BAP1: variants seen among roughly 807,000 people sequenced by gnomAD.
BAP1 encodes ubiquitin carboxyl-terminal hydrolase BAP1.
Under a neutral mutation model 77.2 loss-of-function variants are expected in BAP1, and 16 were observed. The observed-to-expected ratio is 0.21, with a 90% CI of 0.14 to 0.31. The LOEUF (loss-of-function observed/expected upper bound fraction) is 0.31. Ranked by LOEUF, BAP1 falls within the 10% of genes least tolerant of loss-of-function variation. BAP1 has a pLI of 1.00. For missense variants in BAP1, 699 were observed against 967.3 expected (o/e 0.72, Z 3.68); for synonymous variants, 362 against 385.2 (o/e 0.94, Z 0.71).
At position 52,407,866 on chromosome 3, in the gene BAP1, G is replaced by A. The variant is rs1019805781; in HGVS notation, c.375+92C>T. On this transcript the variant is annotated intron_variant, in intron 5 of 16. Coordinates refer to ENST00000460680, the MANE Select transcript of BAP1 (RefSeq NM_004656.4). Reference sequence around the variant, plus strand: ...CATTTGAAAAAGAAACAGCCTAATAGTACCCAATATCATGTGGTAGCATTC... The same window carrying A: ...CATTTGAAAAAGAAACAGCCTAATAATACCCAATATCATGTGGTAGCATTC... 5 of 1,556,244 alleles carry A rather than the reference G, an allele frequency of 3.2e-6. No homozygotes were observed. In the African/African-American group the frequency reaches 4.1e-5, roughly 13 times the overall value.
rs201809705 is a variant in BAP1, at chr3:52,405,784, G to T, written c.912C>A (p.Ala304=). The part of the protein sequence containing the change: ...LVLEANRAPA[A]SEGNHTDGAE... ...CAGTACCTGTGTGGTTGCCCTCAGA[G>T]GCTGCAGGGGCCCTGTTTGCTTCCA... The change falls in exon 10 of 17, where the codon GCC becomes GCA. Residue 304 remains alanine (A), a synonymous_variant. Transcript: ENST00000460680. 348 of 1,613,474 alleles carry T rather than the reference G, an allele frequency of 2.2e-4. 1 individual carries two copies. The East Asian group carries it at 7.5e-3, about 35-fold the overall frequency.
chr3:52,404,569 C>T lies in BAP1; in HGVS notation c.1134G>A (p.Ala378=), dbSNP rs371493799. 84 of 1,613,620 alleles carry T rather than the reference C, an allele frequency of 5.2e-5. No individual in the cohort carries two copies. The highest frequency in any genetic ancestry group is 2.0e-4 in the South Asian group (18 of 90,994). The change falls in exon 12 of 17, where the codon GCG becomes GCA. Residue 378 remains alanine, a synonymous_variant. Coordinates refer to ENST00000460680, the MANE Select transcript of BAP1 (RefSeq NM_004656.4). ...GAACTCGGCTGCGGCCCACACCTGC[C>T]GCCAGGTCTTCTTCCTCCTGGGACA... ...KSPMQEEEDL[A]AGVGRSRVPV...
Position 52,402,094 on chromosome 3 carries a change from C to A in BAP1, c.*194G>T. 5 of 971,022 alleles carry A rather than the reference C, an allele frequency of 5.1e-6. No homozygotes were observed. The highest frequency in any genetic ancestry group is 7.5e-6 in the Non-Finnish European group (5 of 664,242). The allele number at this position is 971,022 out of a possible 1,614,324, so 60.2% of individuals were successfully genotyped here. A position where few individuals can be genotyped will look rare whatever the true frequency, so the allele number is the denominator to read the frequency against. On this transcript the variant is annotated 3_prime_UTR_variant, in exon 17 of 17. Coordinates refer to ENST00000460680, the MANE Select transcript of BAP1 (RefSeq NM_004656.4). This position sits in a 1 kb window ranked among gnomAD's most constrained non-coding sequence, Gnocchi z 5.3. ...AACTCCAGATGCTGCCTCCTGAGCA[C>A]TATGGGGCTGATCTGCCGTGTCAGG...
At position 52,404,966 on chromosome 3, in the gene BAP1, G is replaced by A. The variant is rs932925221; in HGVS notation, c.1116+144C>T. The A allele has an allele frequency of 4.6e-6, 5 of 1,096,706 alleles. No individual in the cohort carries two copies. The Admixed American group carries it at 7.2e-5, about 16-fold the overall frequency. The allele number at this position is 1,096,706 out of a possible 1,614,324, so 67.9% of individuals were successfully genotyped here. ...TGTTGTGGGGGCCTTTTCATATCAGGCAGAGGAACCTAGCAACCCAGGCCC... is the reference window on the plus strand; with the variant it reads ...TGTTGTGGGGGCCTTTTCATATCAGACAGAGGAACCTAGCAACCCAGGCCC... On this transcript the variant is annotated intron_variant, in intron 11 of 16. Transcript: ENST00000460680.
Position 52,402,900 on chromosome 3 carries a change from T to G in BAP1, c.1891-29A>C, listed in dbSNP as rs772485431. 2.0e-5 allele frequency: 33 copies of G among 1,613,726 alleles called. No homozygotes were observed. Among genetic ancestry groups the G allele is most frequent in the Non-Finnish European group, 2.8e-5 (33 of 1,180,022 alleles). On this transcript the variant is annotated intron_variant, in intron 14 of 16. Coordinates refer to ENST00000460680, the MANE Select transcript of BAP1 (RefSeq NM_004656.4). This position sits in a 1 kb window ranked among gnomAD's most constrained non-coding sequence, Gnocchi z 5.3. The stretch of plus-strand genomic sequence containing the variant: ...CCAAAACCCAGCATTGCACCTCTGA[T>G]CGGGGCGGGCCAGCAACAAAGCCCC...
chr3:52,407,364 C>G (rs776670315), intron 6 of BAP1, 35 bp downstream of exon 6: 12 of 1,614,190 alleles, frequency 7.4e-6, no homozygotes, highest in Non-Finnish European at 1.0e-5. Context: ...TCCCCCTACT[C>G]CCACCCCACA....
intron 11 of BAP1, 74 bp downstream of exon 11, chr3:52,405,036 A>G (rs1171839949): frequency 1.6e-5 from 26 of 1,590,986 alleles, no homozygotes. Flanking sequence ...CCAAGGAACC[A>G]CATGGGAAAA....
At position 52,402,369 on chromosome 3, in the gene BAP1, C is replaced by A; in HGVS notation, c.2109G>T (p.Gly703=). 1 of 1,576,878 alleles carries A rather than the reference C, an allele frequency of 6.3e-7. No individual in the cohort carries two copies. The highest frequency in any genetic ancestry group is 1.2e-5 in the South Asian group (1 of 86,686). The change falls in exon 17 of 17, where the codon GGG becomes GGT. Residue 703 remains glycine (G), a synonymous_variant. Coordinates refer to ENST00000460680, the MANE Select transcript of BAP1 (RefSeq NM_004656.4). The surrounding 1 kb of genome is among the most constrained non-coding windows in gnomAD (Gnocchi z 5.3). The stretch of plus-strand genomic sequence containing the variant: ...GCTTGTGGAGCCGGCCGATGCTGAC[C>A]CCTTGGCGCCGCCGCACGGAGATGT... ...EQNISVRRRQ[G]VSIGRLHKQR... is the part of the protein sequence containing the mutation.
At position 52,406,220 on chromosome 3, in the gene BAP1, G is replaced by A. The variant is rs2153227401; in HGVS notation, c.783+33C>T. ...GGAGGAGGAATGCAGGGAGGGTTGGGCTGGGCAGAGGCCAGGAAGAAAGGG... is the reference window on the plus strand; with the variant it reads ...GGAGGAGGAATGCAGGGAGGGTTGGACTGGGCAGAGGCCAGGAAGAAAGGG... On this transcript the variant is annotated intron_variant, in intron 9 of 16. Coordinates refer to ENST00000460680, the MANE Select transcript of BAP1 (RefSeq NM_004656.4). This position sits in a 1 kb window ranked among gnomAD's most constrained non-coding sequence, Gnocchi z 4.6. 6.2e-7 allele frequency: 1 copy of A among 1,613,796 alleles called. No individual in the cohort carries two copies. Among genetic ancestry groups the A allele is most frequent in the Non-Finnish European group, 8.5e-7 (1 of 1,179,954 alleles).
At chr3:52,409,111 T>C (rs538594695) in intron 3 of BAP1, among the ~76,000 whole-genome samples, 1 of 152,348 alleles carries the variant, frequency 6.6e-6, no homozygotes, top group East Asian at 1.9e-4. Flanking sequence ...TACACATCTA[T>C]TCTGCAGGAC....
chr3:52,405,492 G>GAGA, intron 10 of BAP1, 198 bp from the exon 11 acceptor site: 2 of 79,626 alleles, frequency 2.5e-5, no homozygotes. Flanking sequence ...GAAGCAGGAA[G>GAGA]AAAAAAAAAA....
In BAP1 at chr3:52,403,114, G is replaced by A. The variant is rs371236827; in HGVS notation, c.1890+24C>T. On this transcript the variant is annotated intron_variant, in intron 14 of 16. Transcript: ENST00000460680. The surrounding 1 kb of genome is among the most constrained non-coding windows in gnomAD (Gnocchi z 4.0). Reference sequence around the variant, plus strand: ...GCCTTACCCTCTGCCAGGATTAAAGGAGAAAACCACAACGGAGGCTCACCT... The same window carrying A: ...GCCTTACCCTCTGCCAGGATTAAAGAAGAAAACCACAACGGAGGCTCACCT... 2 of 1,610,928 alleles carry A rather than the reference G, an allele frequency of 1.2e-6. No individual in the cohort carries two copies. Among genetic ancestry groups the A allele is most frequent in the Non-Finnish European group, 1.7e-6 (2 of 1,179,952 alleles).
rs2153228103 is a variant in BAP1, at chr3:52,408,005, G to C, written c.328C>G (p.Pro110Ala). ...AAGTCCTTCATGCGACTCAGGGTGG[G>C]TCCCAGGTCCACGCTGCTGCAGTTC... ...LLNCSSVDLG[P>A]TLSRMKDFTK... Residue 110 changes from proline to alanine, a missense_variant, in exon 5 of 17, where the codon CCC becomes GCC. By Grantham distance (27) the Pro-to-Ala change is conservative. This residue lies in a region of BAP1 where 160 missense variants were observed against 322.8 expected (regional missense o/e 0.50). Transcript: ENST00000460680. The C allele has an allele frequency of 6.2e-7, 1 of 1,613,910 alleles. No individual in the cohort carries two copies. The highest frequency in any genetic ancestry group is 8.5e-7 in the Non-Finnish European group (1 of 1,179,992).
chr3:52,403,391 G>A lies in BAP1; in HGVS notation c.1729+25C>T, dbSNP rs1414597306. On this transcript the variant is annotated intron_variant, in intron 13 of 16. Coordinates refer to ENST00000460680, the MANE Select transcript of BAP1 (RefSeq NM_004656.4). The surrounding 1 kb of genome is among the most constrained non-coding windows in gnomAD (Gnocchi z 4.0). ...TCCTCCCTCCTGGGTGCACCAAGTG[G>A]CCAGTGAGCCAGTCCAAGGCCCACC... 1.2e-6 allele frequency: 2 copies of A among 1,612,582 alleles called. No homozygotes were observed. Among genetic ancestry groups the A allele is most frequent in the Non-Finnish European group, 1.7e-6 (2 of 1,179,458 alleles).
At chr3:52,408,841 A>T (rs528571768) in intron 3 of BAP1, among the ~76,000 whole-genome samples, 5 of 152,352 alleles carry the variant, frequency 3.3e-5, no homozygotes. Flanking sequence ...ATGCTCCAGG[A>T]GTCCACCCAG....
chr3:52,403,365 C>G lies in BAP1; in HGVS notation c.1729+51G>C. ...ACTTTGTGGTCACTTGGCCACTTCC[C>G]TCCTCCCTCCTGGGTGCACCAAGTG... On this transcript the variant is annotated intron_variant, in intron 13 of 16. Transcript: ENST00000460680. The surrounding 1 kb of genome is among the most constrained non-coding windows in gnomAD (Gnocchi z 4.0). 1 of 1,612,018 alleles carries G rather than the reference C, an allele frequency of 6.2e-7. No individual in the cohort carries two copies. The highest frequency in any genetic ancestry group is 8.5e-7 in the Non-Finnish European group (1 of 1,179,284).
rs756779992 is a variant in BAP1 at position 52,405,192 on chromosome 3, C to G, written c.1034G>C (p.Gly345Ala). The change falls in exon 11 of 17, where the codon GGG becomes GCG. Residue 345 changes from glycine to alanine, a missense_variant. Physicochemically the swap from Gly to Ala is moderately conservative, Grantham distance 60 (BLOSUM62 0). Around this residue, in one of 3 missense-constraint regions of BAP1, gnomAD observed 475 missense variants for 532.4 expected, o/e 0.89. Transcript: ENST00000460680. ...VVKPPGSSLN[G>A]VHPNPTPIVQ... ...AATGGGAGTGGGGTTGGGGTGAACC[C>G]CATTGAGGCTGCTGCCTGGAGGCTT... is the stretch of plus-strand genomic sequence containing the variant. The G allele has an allele frequency of 6.2e-7, 1 of 1,614,076 alleles. No homozygotes were observed. The highest frequency in any genetic ancestry group is 8.5e-7 in the Non-Finnish European group (1 of 1,180,034).
chr3:52,402,842 C>A lies in BAP1; in HGVS notation c.1920G>T (p.Glu640Asp). The A allele has an allele frequency of 6.2e-7, 1 of 1,614,242 alleles. No individual in the cohort carries two copies. Among genetic ancestry groups the A allele is most frequent in the Non-Finnish European group, 8.5e-7 (1 of 1,180,046 alleles). Residue 640 changes from glutamate to aspartate, a missense_variant, in exon 15 of 17, where the codon GAG (glutamate) becomes GAT (aspartate). This residue lies in a region of BAP1 where 475 missense variants were observed against 532.4 expected (regional missense o/e 0.89). Transcript: ENST00000460680. This position sits in a 1 kb window ranked among gnomAD's most constrained non-coding sequence, Gnocchi z 5.3. ...ACGCCTCATAGTTTGCAATCTCAGC[C>A]TCCACACACTTCAGCAGTGCCAGCA... is the stretch of plus-strand genomic sequence containing the variant. ...KELLALLKCV[E>D]AEIANYEACL...
chr3:52,406,658 A>C lies in BAP1; in HGVS notation c.659+171T>G. The C allele has an allele frequency of 1.1e-6, 1 of 922,160 alleles. No individual in the cohort carries two copies. Among genetic ancestry groups the C allele is most frequent in the Non-Finnish European group, 1.7e-6 (1 of 603,036 alleles). The allele number at this position is 922,160 out of a possible 1,614,324, so 57.1% of individuals were successfully genotyped here. ...CCCAGCCCACCCAGGAGCAGGCCAC[A>C]GGCAGCCCAGGCAGGAAATAAGACA... On this transcript the variant is annotated intron_variant, in intron 8 of 16. Transcript: ENST00000460680. The surrounding 1 kb of genome is among the most constrained non-coding windows in gnomAD (Gnocchi z 4.6).
Sources: allele counts gnomAD v4.1 joint callset (sites outside exome capture counted in the v4.1 genomes callset), GRCh38; gene constraint gnomAD v4.1.1; regional missense constraint gnomAD v4.1.1; non-coding constraint Gnocchi (gnomAD v3.1); transcripts MANE v1.5; gene names NCBI Gene and HGNC (gene_info 2026-07-23, HGNC 2026-07-21).